SYT14: variants seen among roughly 807,000 people sequenced by gnomAD.
SYT14 encodes synaptotagmin-14.
In SYT14, 32 loss-of-function variants were observed where a neutral mutation model predicts 74.2. That is an observed-to-expected ratio of 0.43 (90% confidence interval 0.33 to 0.58). The LOEUF (loss-of-function observed/expected upper bound fraction) is 0.58, where lower values mean the gene tolerates loss of function less well. Ranked by LOEUF, SYT14 falls within the 20% of genes least tolerant of loss-of-function variation. SYT14 has a pLI of 0.05. For synonymous variants in SYT14, 298 were observed against 337.7 expected, an observed-to-expected ratio of 0.88 and a Z score of 1.29; for missense variants, 791 against 981.8, an observed-to-expected ratio of 0.81 and a Z score of 2.60.
rs2078851352 is a variant in SYT14 at position 209,948,119 on chromosome 1, A to T, written c.-533-4590A>T. On this transcript the variant is annotated intron_variant, in intron 1 of 9. Transcript: ENST00000637265. ...AGTTTATGTGACTTGTTTTATTGCG[A>T]TATACACTTTATTGCAGTGGTTGGG... Among the ~76,000 whole-genome samples, 2 of 152,214 alleles carry T rather than the reference A, an allele frequency of 1.3e-5. 1 individual carries two copies. The highest frequency in any genetic ancestry group is 4.1e-4 in the South Asian group (2 of 4,834).
intron 7 of SYT14, among the ~76,000 whole-genome samples, chr1:210,144,056 A>G (rs1163034868): frequency 6.6e-6 from 1 of 152,164 alleles, no homozygotes; most frequent in East Asian, 1.9e-4. Context: ...CATAAACTCA[A>G]CTGTCTTACT....
chr1:210,032,399 C>A (rs2080558838), intron 5 of SYT14, among the ~76,000 whole-genome samples: 1 of 151,968 alleles, frequency 6.6e-6, no homozygotes, highest in Non-Finnish European at 1.5e-5. Context: ...TCAGGTTTGT[C>A]CCACACCAGG....
At chr1:209,963,173 AT>A (rs1196378327) in intron 2 of SYT14, among the ~76,000 whole-genome samples, 2 of 152,162 alleles carry the variant, frequency 1.3e-5, no homozygotes, top group Non-Finnish European at 2.9e-5. Context: ...TTTACTCTGA[AT>A]AGACATTATA....
chr1:209,939,599 CA>C (rs1287050885), intron 1 of SYT14, among the ~76,000 whole-genome samples: 1 of 152,184 alleles, frequency 6.6e-6, no homozygotes, highest in Non-Finnish European at 1.5e-5. Flanking sequence ...GCAGTACTTT[CA>C]ACATTTGTTT....
At chr1:209,951,481 C>T (rs779774168) in intron 1 of SYT14, among the ~76,000 whole-genome samples, 6 of 152,092 alleles carry the variant, frequency 3.9e-5, no homozygotes, top group Admixed American at 6.6e-5. Flanking sequence ...TTTTTTTAGA[C>T]TGCATAGTAT....
intron 1 of SYT14, among the ~76,000 whole-genome samples, chr1:209,939,398 G>A (rs1300865039): frequency 2.6e-5 from 4 of 152,140 alleles, no homozygotes; most frequent in Non-Finnish European, 5.9e-5. Flanking sequence ...TGCATCTCTG[G>A]GGACTTCTTT....
intron 2 of SYT14, among the ~76,000 whole-genome samples, chr1:210,010,723 G>A (rs937772964): frequency 6.6e-6 from 1 of 152,146 alleles, no homozygotes; most frequent in South Asian, 2.1e-4. Context: ...TAAGGATTGA[G>A]GCAAGGGATA....
Position 210,078,750 on chromosome 1 carries a change from AT to A in SYT14, c.1313-15558del, listed in dbSNP as rs60254735. ...TATGAATAATATGATATACGTATGA[AT>A]TTTTTTTTTTTTTGAGACAGGGTCT... On this transcript the variant is annotated intron_variant, in intron 5 of 9. Coordinates refer to ENST00000637265, the Ensembl canonical transcript of SYT14. 5.2e-3 allele frequency among the ~76,000 whole-genome samples: 750 copies of A among 144,146 alleles called. 2 individuals are homozygous for A. Among genetic ancestry groups the A allele is most frequent in the African/African-American group, 9.2e-3 (362 of 39,414 alleles). The allele number at this position is 144,146 out of a possible 152,430, so 94.6% of individuals were successfully genotyped here.
intron 2 of SYT14, among the ~76,000 whole-genome samples, chr1:209,956,405 T>C (rs954597206): frequency 1.3e-5 from 2 of 152,172 alleles, no homozygotes; most frequent in Non-Finnish European, 2.9e-5. Context: ...TCCTAGCTTG[T>C]GGCTCTGGCA....
chr1:210,069,888 G>A (rs2081362765), intron 5 of SYT14, among the ~76,000 whole-genome samples: 1 of 151,064 alleles, frequency 6.6e-6, no homozygotes, highest in Admixed American at 6.6e-5. Context: ...TTTTTTGATG[G>A]TTTCTGCATT....
chr1:210,029,231 C>A (rs1416540546), intron 5 of SYT14, among the ~76,000 whole-genome samples: 3 of 152,022 alleles, frequency 2.0e-5, no homozygotes, highest in Non-Finnish European at 4.4e-5. Flanking sequence ...GCATTTTTTA[C>A]TCTATTGATA....
intron 5 of SYT14, among the ~76,000 whole-genome samples, chr1:210,036,841 T>C (rs1034544591): frequency 6.6e-6 from 1 of 152,118 alleles, no homozygotes; most frequent in African/African-American, 2.4e-5. Flanking sequence ...GCTAGTACTT[T>C]GTTGAAGATT....
chr1:210,000,820 G>T (rs2079887229), intron 2 of SYT14, among the ~76,000 whole-genome samples: 1 of 151,752 alleles, frequency 6.6e-6, no homozygotes, highest in Non-Finnish European at 1.5e-5. Context: ...TCACCATCTT[G>T]GCCAGGCTGG....
At chr1:210,081,956 GC>G (rs1572266856) in intron 5 of SYT14, among the ~76,000 whole-genome samples, 1 of 152,180 alleles carries the variant, frequency 6.6e-6, no homozygotes, top group East Asian at 1.9e-4. Flanking sequence ...AAAAAGTCAT[GC>G]TGAGCTCAGT....
At chr1:210,029,281 T>C (rs1258719628) in intron 5 of SYT14, among the ~76,000 whole-genome samples, 4 of 152,150 alleles carry the variant, frequency 2.6e-5, no homozygotes, top group Non-Finnish European at 4.4e-5. Context: ...TTTCATGAAA[T>C]CCACTTTTTG....
At chr1:210,138,031 A>G (rs2082828042) in intron 7 of SYT14, among the ~76,000 whole-genome samples, 1 of 152,156 alleles carries the variant, frequency 6.6e-6, no homozygotes, top group African/African-American at 2.4e-5. Flanking sequence ...CAACATAAAC[A>G]CATGCTGTGT....
chr1:210,063,941 C>A (rs528166215), intron 5 of SYT14, among the ~76,000 whole-genome samples: 1 of 151,836 alleles, frequency 6.6e-6, no homozygotes, highest in Non-Finnish European at 1.5e-5. Context: ...CCTTTTAACA[C>A]CCTCTTTCCG....
At chr1:209,947,969 A>AT (rs2078849035) in intron 1 of SYT14, among the ~76,000 whole-genome samples, 1 of 152,144 alleles carries the variant, frequency 6.6e-6, no homozygotes, top group South Asian at 2.1e-4. Flanking sequence ...ACAATCAATA[A>AT]TTTTTTTAGC....
chr1:210,126,114 A>T (rs963922853), intron 7 of SYT14, among the ~76,000 whole-genome samples: 1 of 152,052 alleles, frequency 6.6e-6, no homozygotes, highest in African/African-American at 2.4e-5. Context: ...GATACAGGAG[A>T]ATTGCTTGAA....
Sources: gnomAD v4.1 joint callset for allele counts (sites outside exome capture counted in the v4.1 genomes callset) on GRCh38, gnomAD v4.1.1 for gene constraint, MANE v1.5 for transcripts, NCBI Gene and HGNC (gene_info 2026-07-23, HGNC 2026-07-21) for gene names.